The following PAK1 variants were observed in gnomAD, a reference collection of about 807,000 sequenced individuals.
PAK1 encodes serine/threonine-protein kinase PAK 1.
Under a neutral mutation model 67.4 loss-of-function variants are expected in PAK1, and 29 were observed. The ratio of observed to expected loss-of-function variants is 0.43; its 90% CI spans 0.32 to 0.59. The LOEUF (loss-of-function observed/expected upper bound fraction) is 0.59. Among genes scored for constraint, PAK1 ranks in the 20% least tolerant of loss-of-function variants. PAK1 has a pLI of 0.07. For missense variants in PAK1, 337 were observed against 670.7 expected, an observed-to-expected ratio of 0.50 and a Z score of 5.50; for synonymous variants, 223 against 237.4, an observed-to-expected ratio of 0.94 and a Z score of 0.56.
At chr11:77,465,225 G>A (rs1477448105) in intron 1 of PAK1, among the ~76,000 whole-genome samples, 2 of 152,148 alleles carry the variant, frequency 1.3e-5, no homozygotes, top group African/African-American at 4.8e-5. Context: ...CCACTGGTCA[G>A]GGCAGCACCC....
At chr11:77,477,513 T>C (rs1243455255), upstream of PAK1, among the ~76,000 whole-genome samples, 7 of 136,850 alleles carry the variant, frequency 5.1e-5, no homozygotes, top group Admixed American at 3.6e-4. Flanking sequence ...GGCAGATCGC[T>C]TGAGCCCAGT....
intron 5 of PAK1, 51 bp downstream of exon 5, chr11:77,374,277 A>G (rs1226781624): frequency 3.2e-6 from 4 of 1,248,356 alleles, no homozygotes; most frequent in Non-Finnish European, 4.7e-6. Flanking sequence ...CACTGTCTTG[A>G]TCCTTACCTC....
intron 1 of PAK1, among the ~76,000 whole-genome samples, chr11:77,423,898 AG>A (rs1223040715): frequency 6.6e-6 from 1 of 152,234 alleles, no homozygotes; most frequent in Non-Finnish European, 1.5e-5. Flanking sequence ...TCTGACTCAA[AG>A]GATTCTTAGA....
chr11:77,469,816 T>G (rs762706744), intron 1 of PAK1, among the ~76,000 whole-genome samples: 26 of 143,818 alleles, frequency 1.8e-4, no homozygotes, highest in Non-Finnish European at 3.7e-4. Context: ...AATCAATGCA[T>G]TTTTCCTTTT....
chr11:77,362,656 A>C (rs1946949059), intron 5 of PAK1, among the ~76,000 whole-genome samples: 1 of 152,216 alleles, frequency 6.6e-6, no homozygotes, highest in Admixed American at 6.5e-5. Context: ...TGTTAGTGTG[A>C]GGTTAAATGA....
At chr11:77,480,146 C>G in the PAK1 span, among the ~76,000 whole-genome samples, 3 of 152,250 alleles carry the variant, frequency 2.0e-5, no homozygotes, top group Middle Eastern at 3.4e-3. Flanking sequence ...TTGAACATGG[C>G]AAGCACCCTC....
chr11:77,379,763 GA>G, intron 3 of PAK1, 130 bp downstream of exon 3: 1 of 673,846 alleles, frequency 1.5e-6, no homozygotes, highest in Non-Finnish European at 2.6e-6. Flanking sequence ...TCCCACTCAT[GA>G]ACGTGAGAAA....
At chr11:77,342,042 A>G in intron 10 of PAK1, among the ~76,000 whole-genome samples, 1 of 152,220 alleles carries the variant, frequency 6.6e-6, no homozygotes, top group East Asian at 1.9e-4. Flanking sequence ...TGAAAATCTA[A>G]TCACTAATGT....
At chr11:77,338,172 A>C (rs1943032675) in intron 11 of PAK1, among the ~76,000 whole-genome samples, 1 of 152,190 alleles carries the variant, frequency 6.6e-6, no homozygotes, top group South Asian at 2.1e-4. Context: ...TCCATCTATA[A>C]AATTTGGGAA....
intron 1 of PAK1, among the ~76,000 whole-genome samples, chr11:77,417,296 TAAAA>T (rs1217746412): frequency 6.6e-6 from 1 of 151,992 alleles, no homozygotes; most frequent in African/African-American, 2.4e-5. Context: ...TATTATTCAG[TAAAA>T]AAAGAAATGA....
chr11:77,526,329 T>G, the PAK1 span, among the ~76,000 whole-genome samples: 1 of 152,120 alleles, frequency 6.6e-6, no homozygotes, highest in Non-Finnish European at 1.5e-5. Flanking sequence ...AAATAACGTG[T>G]GGAGGGACAT....
chr11:77,374,945 G>C (rs560995708), intron 4 of PAK1, among the ~76,000 whole-genome samples: 1 of 152,264 alleles, frequency 6.6e-6, no homozygotes, highest in South Asian at 2.1e-4. Flanking sequence ...AGTTGCTCTG[G>C]GTGAGTCAGT....
chr11:77,458,169 T>A (rs1367541957), intron 1 of PAK1, among the ~76,000 whole-genome samples: 3 of 152,216 alleles, frequency 2.0e-5, no homozygotes, highest in Non-Finnish European at 2.9e-5. Context: ...TAAATTTTTT[T>A]AAAATGTTGA....
chr11:77,449,691 T>TAAAAAA lies in PAK1; in HGVS notation c.-22+23855_-22+23860dup, dbSNP rs35907304. On this transcript the variant is annotated intron_variant, in intron 1 of 14. Coordinates refer to ENST00000356341, the MANE Select transcript of PAK1 (RefSeq NM_002576.5). ...ATGCTTTCCTTTTCAATCCTATAGG[T>TAAAAAA]AAAAAAAAAAAAAAAAAAAAAATCA... is the stretch of plus-strand genomic sequence containing the variant. 6.1e-5 allele frequency among the ~76,000 whole-genome samples: 7 copies of TAAAAAA among 113,942 alleles called. No individual in the cohort carries two copies. The East Asian group carries it at 1.0e-3, about 17-fold the overall frequency. The allele number at this position is 113,942 out of a possible 152,430, so 74.8% of individuals were successfully genotyped here.
chr11:77,450,922 G>T (rs537390116), intron 1 of PAK1, among the ~76,000 whole-genome samples: 7 of 151,748 alleles, frequency 4.6e-5, no homozygotes, highest in African/African-American at 1.5e-4. Flanking sequence ...TTGCCTATGT[G>T]CCACAGGAGT....
intron 2 of PAK1, among the ~76,000 whole-genome samples, chr11:77,386,887 C>T (rs937666944): frequency 6.6e-6 from 1 of 152,156 alleles, no homozygotes; most frequent in Admixed American, 6.5e-5. Context: ...AATTCTCCTG[C>T]CTCAGCCTTC....
intron 9 of PAK1, chr11:77,347,216 A>C (rs1446949832): frequency 2.5e-6 from 1 of 395,660 alleles, no homozygotes; most frequent in Non-Finnish European, 5.0e-6. Context: ...AGCTTCTCAC[A>C]CAGCCAGCCT....
At chr11:77,514,544 G>A in the PAK1 span, among the ~76,000 whole-genome samples, 52 of 152,166 alleles carry the variant, frequency 3.4e-4, no homozygotes, top group Non-Finnish European at 6.9e-4. Flanking sequence ...TTCAGGATTA[G>A]TTAATAAATC....
chr11:77,459,198 T>G (rs1272169208), intron 1 of PAK1, among the ~76,000 whole-genome samples: 3 of 152,160 alleles, frequency 2.0e-5, no homozygotes, highest in Non-Finnish European at 4.4e-5. Flanking sequence ...AATTTACATA[T>G]TATCCTATAA....
Sources: gnomAD v4.1 joint callset for allele counts (sites outside exome capture counted in the v4.1 genomes callset) on GRCh38, gnomAD v4.1.1 for gene constraint, MANE v1.5 for transcripts, NCBI Gene and HGNC (gene_info 2026-07-23, HGNC 2026-07-21) for gene names.